The following SEMA5A variants were observed in gnomAD, a reference collection of about 807,000 sequenced individuals.
SEMA5A encodes semaphorin 5A.
A neutral mutation model predicts 135.5 loss-of-function variants in SEMA5A; 55 were observed. That is an observed-to-expected ratio of 0.41 (90% CI 0.33 to 0.51). SEMA5A has a LOEUF of 0.51. SEMA5A is among the 20% of genes least tolerant of loss of function. The pLI is 0.37. For synonymous variants in SEMA5A, 580 were observed against 546.5 expected, an observed-to-expected ratio of 1.06 and a Z score of -0.85; for missense variants, 1,290 against 1,419.9, an observed-to-expected ratio of 0.91 and a Z score of 1.47.
At chr5:9,069,591 TTTA>T (rs1234830946) in intron 16 of SEMA5A, among the ~76,000 whole-genome samples, 1 of 152,178 alleles carries the variant, frequency 6.6e-6, no homozygotes, top group African/African-American at 2.4e-5. Context: ...GCATTTATTT[TTTA>T]TTTTTTTTAC....
At chr5:9,327,681 C>T (rs1378067609) in intron 4 of SEMA5A, among the ~76,000 whole-genome samples, 1 of 152,082 alleles carries the variant, frequency 6.6e-6, no homozygotes, top group Non-Finnish European at 1.5e-5. Flanking sequence ...AAAATATTTT[C>T]CCACAAATAT....
At chr5:9,064,159 C>G (rs566401342) in intron 17 of SEMA5A, among the ~76,000 whole-genome samples, 5 of 152,220 alleles carry the variant, frequency 3.3e-5, no homozygotes, top group African/African-American at 9.6e-5. Flanking sequence ...AATTGTCTGT[C>G]TGTGATAAAT....
rs137863325 is a variant in SEMA5A at position 9,540,110 on chromosome 5, A to G, written c.-175+5474T>C. 2.0e-4 allele frequency among the ~76,000 whole-genome samples: 31 copies of G among 152,296 alleles called. No individual in the cohort carries two copies. The East Asian group carries it at 5.4e-3, about 27-fold the overall frequency. The stretch of plus-strand genomic sequence containing the variant: ...GTCTATACTATATACATAGTCTCTA[A>G]GGGCATTTTTTGATTCGGTCACTTA... On this transcript the variant is annotated intron_variant, in intron 1 of 22. Coordinates refer to ENST00000382496, the MANE Select transcript of SEMA5A (RefSeq NM_003966.3).
intron 16 of SEMA5A, among the ~76,000 whole-genome samples, chr5:9,094,849 A>T (rs892439077): frequency 1.3e-5 from 2 of 152,192 alleles, no homozygotes; most frequent in African/African-American, 4.8e-5. Flanking sequence ...TTACTTTCTC[A>T]TGCAGCACGG....
At chr5:9,050,366 T>C (rs1244582826) in intron 21 of SEMA5A, 44 bp downstream of exon 21, 1 of 1,524,948 alleles carries the variant, frequency 6.6e-7, no homozygotes, top group African/African-American at 1.4e-5. Context: ...ATGATTAGAA[T>C]ATATCAGTAC....
At chr5:9,065,147 A>G (rs1485018903) in intron 17 of SEMA5A, among the ~76,000 whole-genome samples, 1 of 152,210 alleles carries the variant, frequency 6.6e-6, no homozygotes, top group Non-Finnish European at 1.5e-5. Flanking sequence ...GTAATCACTG[A>G]ACTACAGTGA....
chr5:9,350,568 G>A (rs1445091153), intron 3 of SEMA5A, among the ~76,000 whole-genome samples: 1 of 152,236 alleles, frequency 6.6e-6, no homozygotes, highest in Admixed American at 6.5e-5. Context: ...TTGACTTCAG[G>A]AAGGGCTGGA....
intron 2 of SEMA5A, among the ~76,000 whole-genome samples, chr5:9,393,222 C>G (rs552724891): frequency 1.3e-5 from 2 of 152,262 alleles, no homozygotes; most frequent in South Asian, 4.1e-4. Flanking sequence ...AATGAAAATA[C>G]AAAAATGATC....
intron 8 of SEMA5A, among the ~76,000 whole-genome samples, chr5:9,217,471 G>A (rs1390947732): frequency 6.6e-6 from 1 of 151,986 alleles, no homozygotes; most frequent in Non-Finnish European, 1.5e-5. Flanking sequence ...GTGTGACTTG[G>A]GGATGATCTT....
rs1670845540 is a variant in SEMA5A at position 9,119,018 on chromosome 5, C to G, written c.1905G>C (p.Val635=). ...CGTACCTTTCCTCGCGGTTCTGTCC[C>G]ACGCACACCCGGCCCCCGTGCCTGG... ...PTPRHGGRVC[V]GQNREERYCN... is the part of the protein sequence containing the mutation. Residue 635 remains valine (V), a synonymous_variant, in exon 15 of 23, where the codon GTG becomes GTC. Transcript: ENST00000382496. 2 of 1,613,352 alleles carry G rather than the reference C, an allele frequency of 1.2e-6. No homozygotes were observed. Among genetic ancestry groups the G allele is most frequent in the Non-Finnish European group, 1.7e-6 (2 of 1,179,846 alleles).
intron 2 of SEMA5A, among the ~76,000 whole-genome samples, chr5:9,427,745 G>T (rs1003445790): frequency 6.6e-6 from 1 of 152,146 alleles, no homozygotes; most frequent in Non-Finnish European, 1.5e-5. Flanking sequence ...TAGTGAAAAG[G>T]TTTTATTTAA....
intron 2 of SEMA5A, among the ~76,000 whole-genome samples, chr5:9,433,961 A>C (rs1757943801): frequency 6.6e-6 from 1 of 152,198 alleles, no homozygotes; most frequent in Non-Finnish European, 1.5e-5. Flanking sequence ...TTACAATAAC[A>C]ATTGCTATTG....
At chr5:9,211,215 A>T (rs1034428369) in intron 8 of SEMA5A, among the ~76,000 whole-genome samples, 5 of 152,110 alleles carry the variant, frequency 3.3e-5, no homozygotes, top group Admixed American at 3.3e-4. Flanking sequence ...AATGCTGAAA[A>T]GAACTTATTG....
chr5:9,042,407 TG>T lies in SEMA5A; in HGVS notation c.*489del, dbSNP rs1200688950. The T allele has an allele frequency of 6.4e-6, 1 of 156,922 alleles. No individual in the cohort carries two copies. The highest frequency in any genetic ancestry group is 2.4e-5 in the African/African-American group (1 of 41,506). 9.7% of individuals were successfully genotyped at this position (156,922 alleles called of 1,614,324 possible). ...ACAGCTTTATCCAGATTTGGAAAGT[TG>T]GGCAATCCATGGTGAATAATTGTTT... On this transcript the variant is annotated 3_prime_UTR_variant, in exon 23 of 23. Transcript: ENST00000382496.
chr5:9,411,040 T>G (rs1403867061), intron 2 of SEMA5A, among the ~76,000 whole-genome samples: 3 of 151,880 alleles, frequency 2.0e-5, no homozygotes, highest in African/African-American at 7.3e-5. Context: ...TTTGAAAAAC[T>G]ATGTATACTG....
intron 5 of SEMA5A, among the ~76,000 whole-genome samples, chr5:9,272,899 TG>T (rs1750057403): frequency 6.6e-6 from 1 of 152,066 alleles, no homozygotes; most frequent in South Asian, 2.1e-4. Flanking sequence ...TCCACGAAGA[TG>T]GGGGAAACCA....
chr5:9,412,064 G>T (rs1243706391), intron 2 of SEMA5A, among the ~76,000 whole-genome samples: 1 of 152,140 alleles, frequency 6.6e-6, no homozygotes, highest in Non-Finnish European at 1.5e-5. Flanking sequence ...ATAAACTAAG[G>T]CTAGTTAAGG....
intron 2 of SEMA5A, among the ~76,000 whole-genome samples, chr5:9,426,240 A>C (rs1027131638): frequency 1.3e-5 from 2 of 151,828 alleles, no homozygotes; most frequent in Non-Finnish European, 2.9e-5. Context: ...GATCAAGACC[A>C]CGGTGAAACC....
chr5:9,193,839 G>A (rs192599386), intron 10 of SEMA5A, among the ~76,000 whole-genome samples: 3 of 152,202 alleles, frequency 2.0e-5, no homozygotes, highest in Admixed American at 2.0e-4. Flanking sequence ...AGAGGTTCCA[G>A]TGAGCTGAGA....
Sources: gnomAD v4.1 joint callset for allele counts (sites outside exome capture counted in the v4.1 genomes callset) on GRCh38, gnomAD v4.1.1 for gene constraint, MANE v1.5 for transcripts, NCBI Gene and HGNC (gene_info 2026-07-23, HGNC 2026-07-21) for gene names.